The following UBR3 variants were observed in gnomAD, a reference collection of about 807,000 sequenced individuals.
The protein encoded by UBR3 is E3 ubiquitin-protein ligase UBR3.
Under a neutral mutation model 243.2 loss-of-function variants are expected in UBR3, and 85 were observed. The observed-to-expected ratio is 0.35, with a 90% CI of 0.29 to 0.42. The LOEUF (loss-of-function observed/expected upper bound fraction) is 0.42. Among genes scored for constraint, UBR3 ranks in the 10% least tolerant of loss-of-function variants. The pLI is 1.00. For missense variants in UBR3, 1,686 were observed against 2,300.8 expected (o/e 0.73, Z 5.47); for synonymous variants, 748 against 799.8 (o/e 0.94, Z 1.09).
intron 1 of UBR3, among the ~76,000 whole-genome samples, chr2:169,833,775 C>A (rs1183054276): frequency 2.6e-5 from 4 of 151,648 alleles, no homozygotes; most frequent in African/African-American, 9.7e-5. Context: ...ATTTATCCAG[C>A]ATTTCTAGAT....
At chr2:169,871,504 G>A (rs77774686) in intron 1 of UBR3, among the ~76,000 whole-genome samples, 20,857 of 151,576 alleles carry the variant, frequency 0.14, 1,977 homozygotes, top group East Asian at 0.44. Context: ...AGTGGCTCAC[G>A]GGGCCGAGGC....
intron 1 of UBR3, among the ~76,000 whole-genome samples, chr2:169,863,203 A>G (rs2083147833): frequency 6.6e-6 from 1 of 152,066 alleles, no homozygotes; most frequent in Admixed American, 6.6e-5. Flanking sequence ...ACAGTCCAGG[A>G]GATTTACTTT....
intron 9 of UBR3, 127 bp from the exon 10 acceptor site, chr2:169,905,904 A>T: frequency 2.0e-6 from 2 of 1,012,928 alleles, no homozygotes; most frequent in Non-Finnish European, 2.7e-6. Context: ...ACTTATTTCT[A>T]TATGTACTGT....
chr2:169,843,993 CT>C (rs1036090777), intron 1 of UBR3, among the ~76,000 whole-genome samples: 19 of 143,496 alleles, frequency 1.3e-4, no homozygotes, highest in African/African-American at 4.7e-4. Flanking sequence ...CATTTCTTTT[CT>C]TTTTTCTCTT....
intron 1 of UBR3, among the ~76,000 whole-genome samples, chr2:169,869,029 A>G (rs903675448): frequency 1.3e-5 from 2 of 151,988 alleles, no homozygotes; most frequent in Non-Finnish European, 2.9e-5. Context: ...TTTGTAGTGT[A>G]TTTAACGTGT....
chr2:169,956,247 G>T (rs930799413), intron 23 of UBR3, among the ~76,000 whole-genome samples: 1 of 127,120 alleles, frequency 7.9e-6, no homozygotes, highest in Non-Finnish European at 1.6e-5. Context: ...TATCTATCTG[G>T]ATAGATATAT....
At chr2:169,835,879 A>G (rs546597827) in intron 1 of UBR3, among the ~76,000 whole-genome samples, 1 of 151,412 alleles carries the variant, frequency 6.6e-6, no homozygotes, top group Admixed American at 6.6e-5. Context: ...ACCTTTTGCC[A>G]TGTTTGCTCT....
At chr2:169,998,748 ATTAG>A (rs2105398020) in intron 26 of UBR3, among the ~76,000 whole-genome samples, 1 of 152,364 alleles carries the variant, frequency 6.6e-6, no homozygotes, top group East Asian at 1.9e-4. Flanking sequence ...CATGTAGAAT[ATTAG>A]TTATATAAGA....
intron 26 of UBR3, among the ~76,000 whole-genome samples, chr2:169,996,039 ACTT>A (rs2089465624): frequency 6.6e-6 from 1 of 152,214 alleles, no homozygotes; most frequent in Non-Finnish European, 1.5e-5. Flanking sequence ...TCCAAATAGA[ACTT>A]CTTTCTTGCC....
At chr2:169,844,163 C>A (rs954315832) in intron 1 of UBR3, among the ~76,000 whole-genome samples, 1 of 151,916 alleles carries the variant, frequency 6.6e-6, no homozygotes, top group African/African-American at 2.4e-5. Flanking sequence ...CCTGCCACCA[C>A]GCCTGGCTAA....
At chr2:169,946,844 T>G (rs2105359498) in intron 21 of UBR3, among the ~76,000 whole-genome samples, 1 of 152,244 alleles carries the variant, frequency 6.6e-6, no homozygotes, top group Non-Finnish European at 1.5e-5. Context: ...TATTTTTGAG[T>G]AACAAATTCT....
chr2:170,003,235 C>G (rs1265456371), intron 27 of UBR3, among the ~76,000 whole-genome samples: 1 of 152,140 alleles, frequency 6.6e-6, no homozygotes, highest in East Asian at 1.9e-4. Context: ...AACTTATTTA[C>G]TACATTGAGC....
rs2089414839 is a variant in UBR3, at chr2:169,994,598, AAGAAAT to A, written c.3918+143_3918+148del. On this transcript the variant is annotated intron_variant, in intron 26 of 38. Transcript: ENST00000272793. ...AGAAAAAAATTAATATGTGGATAGA[AAGAAAT>A]GGAAATCTGTTAATAAACATTTCAG... is the stretch of plus-strand genomic sequence containing the variant. 3.1e-5 allele frequency: 27 copies of A among 872,248 alleles called. No individual in the cohort carries two copies. In the East Asian group the frequency reaches 7.2e-4, roughly 23 times the overall value. The allele number at this position is 872,248 out of a possible 1,614,324, so 54.0% of individuals were successfully genotyped here. A position where few individuals can be genotyped will look rare whatever the true frequency, so the allele number is the denominator to read the frequency against.
chr2:169,987,349 T>C (rs113099036), intron 25 of UBR3, among the ~76,000 whole-genome samples: 14,138 of 138,848 alleles, frequency 0.1, 812 homozygotes, highest in African/African-American at 0.17. Flanking sequence ...GCTGAGATTG[T>C]ACCACTGCAC....
At chr2:169,888,137 A>C (rs2084183156) in intron 5 of UBR3, among the ~76,000 whole-genome samples, 1 of 139,796 alleles carries the variant, frequency 7.2e-6, no homozygotes, top group African/African-American at 2.6e-5. Context: ...TTATTTATTT[A>C]TTTATTTATT....
At chr2:169,878,187 C>G (rs2083685695) in intron 4 of UBR3, among the ~76,000 whole-genome samples, 1 of 152,082 alleles carries the variant, frequency 6.6e-6, no homozygotes, top group Admixed American at 6.5e-5. Context: ...CATGGTGAAA[C>G]CTCGTCTTTA....
chr2:169,866,616 G>GC (rs1048282644), intron 1 of UBR3, among the ~76,000 whole-genome samples: 9 of 152,260 alleles, frequency 5.9e-5, no homozygotes, highest in African/African-American at 1.9e-4. Context: ...GCCCACCTCG[G>GC]CCCCCCAAAG....
intron 10 of UBR3, among the ~76,000 whole-genome samples, chr2:169,913,786 A>G (rs1574187661): frequency 6.6e-6 from 1 of 152,150 alleles, no homozygotes; most frequent in South Asian, 2.1e-4. Context: ...GTCTCTTGAA[A>G]TGGAGTCTGA....
intron 24 of UBR3, among the ~76,000 whole-genome samples, chr2:169,983,532 G>A (rs1385179150): frequency 6.6e-6 from 1 of 152,018 alleles, no homozygotes; most frequent in Non-Finnish European, 1.5e-5. Context: ...AAAGTGCTGA[G>A]ATTATAGGTG....
Sources: allele counts gnomAD v4.1 joint callset (sites outside exome capture counted in the v4.1 genomes callset), GRCh38; gene constraint gnomAD v4.1.1; transcripts MANE v1.5; gene names NCBI Gene and HGNC (gene_info 2026-07-23, HGNC 2026-07-21).